ELF1: variants seen among roughly 807,000 people sequenced by gnomAD.
ELF1 encodes ETS-related transcription factor Elf-1.
Under a neutral mutation model 59.9 loss-of-function variants are expected in ELF1, and 24 were observed. The observed-to-expected ratio is 0.40, with a 90% CI of 0.29 to 0.56. ELF1 has a LOEUF of 0.56. ELF1 is among the 20% of genes least tolerant of loss of function. The pLI, the probability that ELF1 is intolerant of heterozygous loss-of-function variation, is 0.44. For missense variants in ELF1, 627 were observed against 742.2 expected (o/e 0.84, Z 1.80); for synonymous variants, 248 against 266.2 (o/e 0.93, Z 0.67).
chr13:41,034,802 A>C (rs1285917858), intron 1 of ELF1, among the ~76,000 whole-genome samples: 1 of 151,310 alleles, frequency 6.6e-6, no homozygotes, highest in East Asian at 1.9e-4. Flanking sequence ...AAAAAAAAAA[A>C]AAAAAAACCT....
chr13:41,008,166 C>T (rs1338184704), intron 1 of ELF1, among the ~76,000 whole-genome samples: 2 of 152,174 alleles, frequency 1.3e-5, no homozygotes, highest in Admixed American at 1.3e-4. Flanking sequence ...CTACTTCTGG[C>T]ATAAACAGAA....
At chr13:41,012,778 G>A (rs149533362) in intron 1 of ELF1, among the ~76,000 whole-genome samples, 3 of 151,392 alleles carry the variant, frequency 2.0e-5, no homozygotes, top group Non-Finnish European at 2.9e-5. Context: ...GGCTGGTCTC[G>A]AATTTCTGGC....
intron 8 of ELF1, among the ~76,000 whole-genome samples, chr13:40,940,548 T>A (rs1870088943): frequency 6.6e-6 from 1 of 152,220 alleles, no homozygotes; most frequent in Non-Finnish European, 1.5e-5. Context: ...CTTGGAACTC[T>A]ATGCACTCTC....
intron 1 of ELF1, among the ~76,000 whole-genome samples, chr13:41,032,222 T>C (rs538861700): frequency 2.1e-5 from 3 of 144,928 alleles, no homozygotes; most frequent in South Asian, 4.2e-4. Context: ...TTTATTTACT[T>C]TTTTTTTTTT....
chr13:40,936,945 C>T (rs1447518719), intron 8 of ELF1, among the ~76,000 whole-genome samples: 1 of 152,020 alleles, frequency 6.6e-6, no homozygotes, highest in African/African-American at 2.4e-5. Flanking sequence ...CAGAGGGAGA[C>T]TCAGTCTCAA....
At chr13:41,041,295 G>A (rs1052186002) in intron 1 of ELF1, among the ~76,000 whole-genome samples, 4 of 147,798 alleles carry the variant, frequency 2.7e-5, no homozygotes, top group Admixed American at 2.0e-4. Context: ...TACACCATCC[G>A]AACTGTATAA....
intron 3 of ELF1, chr13:40,951,638 A>G: frequency 2.9e-6 from 1 of 342,734 alleles, no homozygotes; most frequent in South Asian, 7.2e-5. Context: ...TGGGAAGCCG[A>G]GGCAAGCAGA....
chr13:41,023,120 G>A (rs1334153509), upstream of ELF1, among the ~76,000 whole-genome samples: 2 of 152,200 alleles, frequency 1.3e-5, no homozygotes, highest in African/African-American at 4.8e-5. Context: ...TATTAGCTGA[G>A]AGAGATTGAG....
chr13:40,946,937 T>C (rs1870543560), intron 5 of ELF1, among the ~76,000 whole-genome samples: 1 of 152,170 alleles, frequency 6.6e-6, no homozygotes, highest in African/African-American at 2.4e-5. Flanking sequence ...CCACATTGTT[T>C]GGGGGTAAAC....
At chr13:40,981,525 GAAGTT>G (rs1388053721) in intron 2 of ELF1, among the ~76,000 whole-genome samples, 2 of 152,096 alleles carry the variant, frequency 1.3e-5, no homozygotes, top group East Asian at 1.9e-4. Context: ...TAGATCTAGA[GAAGTT>G]AAGTAACTTC....
intron 1 of ELF1, among the ~76,000 whole-genome samples, chr13:41,056,377 C>G (rs1222934059): frequency 1.3e-5 from 2 of 152,176 alleles, no homozygotes; most frequent in Non-Finnish European, 2.9e-5. Context: ...CCTATTCACT[C>G]ATCAGTTGAG....
intron 3 of ELF1, among the ~76,000 whole-genome samples, chr13:40,956,048 G>A (rs1179634641): frequency 2.2e-4 from 33 of 148,532 alleles, no homozygotes; most frequent in African/African-American, 7.3e-4. Flanking sequence ...CCCTCTGCCC[G>A]GCCACCACCC....
intron 1 of ELF1, among the ~76,000 whole-genome samples, chr13:40,994,011 A>G (rs1317222958): frequency 1.7e-4 from 23 of 135,288 alleles, no homozygotes; most frequent in Admixed American, 5.8e-4. Flanking sequence ...GCTAATAATA[A>G]AAAAAAAAAA....
chr13:41,015,847 C>T (rs568928657), intron 1 of ELF1, among the ~76,000 whole-genome samples: 2 of 152,056 alleles, frequency 1.3e-5, no homozygotes, highest in Non-Finnish European at 2.9e-5. Context: ...AAAAGAGTAG[C>T]CAAAGGTTTA....
At chr13:40,956,300 T>C (rs1274607362) in intron 3 of ELF1, among the ~76,000 whole-genome samples, 1 of 152,104 alleles carries the variant, frequency 6.6e-6, no homozygotes, top group East Asian at 1.9e-4. Flanking sequence ...CTGAAACATG[T>C]GCTGTGTCCA....
chr13:41,010,727 A>G (rs1264213286), intron 1 of ELF1, among the ~76,000 whole-genome samples: 3 of 152,162 alleles, frequency 2.0e-5, no homozygotes, highest in Non-Finnish European at 4.4e-5. Flanking sequence ...GAATGAATCA[A>G]TAATAATATA....
chr13:40,946,022 A>G (rs1324894350), intron 5 of ELF1, among the ~76,000 whole-genome samples: 1 of 151,856 alleles, frequency 6.6e-6, no homozygotes, highest in Non-Finnish European at 1.5e-5. Context: ...TTTTTTCCAT[A>G]TTTTTAGCAG....
intron 1 of ELF1, among the ~76,000 whole-genome samples, chr13:41,018,863 C>T (rs1391243640): frequency 2.0e-5 from 3 of 152,172 alleles, no homozygotes; most frequent in African/African-American, 4.8e-5. Context: ...GTTTACTTAA[C>T]TGTAACTTCA....
chr13:40,964,364 A>C (rs930285203), intron 2 of ELF1, among the ~76,000 whole-genome samples: 2 of 152,198 alleles, frequency 1.3e-5, no homozygotes, highest in African/African-American at 4.8e-5. Flanking sequence ...TCTGGAGGCT[A>C]AAAGTCTGAA....
Sources: allele counts gnomAD v4.1 joint callset (sites outside exome capture counted in the v4.1 genomes callset), GRCh38; gene constraint gnomAD v4.1.1; transcripts MANE v1.5; gene names NCBI Gene and HGNC (gene_info 2026-07-23, HGNC 2026-07-21).